Variants in GNAS observed in about 807,000 individuals in gnomAD.
GNAS encodes the protein protein ALEX.
A neutral mutation model predicts 54.5 loss-of-function variants in GNAS; 8 were observed. The observed-to-expected ratio is 0.15, with a 90% CI of 0.09 to 0.26. The LOEUF (loss-of-function observed/expected upper bound fraction) is 0.26. GNAS is among the 10% of genes least tolerant of loss of function. The pLI, the probability that GNAS is intolerant of heterozygous loss-of-function variation, is 1.00. For missense variants in GNAS, 170 were observed against 529.8 expected (o/e 0.32, Z 6.67); for synonymous variants, 204 against 191.4 (o/e 1.07, Z -0.54).
In GNAS at chr20:58,910,642, G is replaced by A; in HGVS notation, c.1039-41G>A. 1 of 1,612,924 alleles carries A rather than the reference G, an allele frequency of 6.2e-7. No homozygotes were observed. The highest frequency in any genetic ancestry group is 8.5e-7 in the Non-Finnish European group (1 of 1,179,082). On this transcript the variant is annotated intron_variant, in intron 12 of 12. Transcript: ENST00000371085. This position sits in a 1 kb window ranked among gnomAD's most constrained non-coding sequence, Gnocchi z 5.8. ...CCCATCAGGGATAGGGTGGTTCCTG[G>A]CGAGGGTGTCACTGACAAGTCCCCT...
rs1421900999 is a variant in GNAS at position 58,863,857 on chromosome 20, C to G, written c.43+22971C>G. On this transcript the variant is annotated intron_variant, in intron 1 of 12. Transcript: ENST00000306090. This position sits in a 1 kb window ranked among gnomAD's most constrained non-coding sequence, Gnocchi z 4.1. ...ACATGATGGTATTTTTACAGGGAAC[C>G]TGCATTCAGGTAAGTTTGAAGCTGT... is the stretch of plus-strand genomic sequence containing the variant. 2 of 152,618 alleles carry G rather than the reference C, an allele frequency of 1.3e-5. No homozygotes were observed. The highest frequency in any genetic ancestry group is 4.8e-5 in the African/African-American group (2 of 41,432). 9.5% of individuals were successfully genotyped at this position (152,618 alleles called of 1,614,324 possible).
At chr20:58,892,129 C>T (rs1020364263) in intron 1 of GNAS, 33 of 965,538 alleles carry the variant, frequency 3.4e-5, no homozygotes, top group Non-Finnish European at 4.1e-5. Flanking sequence ...CAGTGTCTCT[C>T]TCTTGCTCTC....
At chr20:58,896,839 G>C (rs1378246520) in intron 2 of GNAS, among the ~76,000 whole-genome samples, 1 of 152,108 alleles carries the variant, frequency 6.6e-6, no homozygotes, top group Admixed American at 6.5e-5. Flanking sequence ...CAAAAGGGGA[G>C]TTGGAGTCAA....
At chr20:58,888,631 C>A (rs551355690), upstream of GNAS, 203 of 152,404 alleles carry the variant, frequency 1.3e-3, no homozygotes, top group African/African-American at 4.4e-3. Flanking sequence ...CCACGGCCAC[C>A]GCTCCTCGGC....
chr20:58,869,747 C>T (rs2087311318), intron 1 of GNAS, among the ~76,000 whole-genome samples: 1 of 152,184 alleles, frequency 6.6e-6, no homozygotes, highest in Non-Finnish European at 1.5e-5. Context: ...CTCCTCAACC[C>T]CTCTCCACTT....
chr20:58,896,097 CA>C (rs2090025144), intron 2 of GNAS, among the ~76,000 whole-genome samples: 1 of 152,206 alleles, frequency 6.6e-6, no homozygotes, highest in African/African-American at 2.4e-5. Context: ...AAATTCACCC[CA>C]CCCCACCTCA....
At chr20:58,840,145 T>C, upstream of GNAS, 1 of 1,611,442 alleles carries the variant, frequency 6.2e-7, no homozygotes, top group South Asian at 1.1e-5. This position sits in a 1 kb window ranked among gnomAD's most constrained non-coding sequence, Gnocchi z 6.0. Flanking sequence ...GGCGCCGAGC[T>C]CGCCATAATT....
At chr20:58,903,264 A>G (rs1479062668) in intron 3 of GNAS, 1 of 564,174 alleles carries the variant, frequency 1.8e-6, no homozygotes, top group East Asian at 3.1e-5. Context: ...GAAAGATTAA[A>G]TGAGCTGCAT....
At chr20:58,842,933 G>A (rs558231338) in intron 1 of GNAS, among the ~76,000 whole-genome samples, 1 of 152,300 alleles carries the variant, frequency 6.6e-6, no homozygotes, top group African/African-American at 2.4e-5. Flanking sequence ...GTTGCAGGAT[G>A]AATAAACAAG....
chr20:58,845,040 G>A (rs2085894772), intron 1 of GNAS, among the ~76,000 whole-genome samples: 1 of 151,870 alleles, frequency 6.6e-6, no homozygotes, highest in African/African-American at 2.4e-5. Flanking sequence ...TTTTACGTGT[G>A]TGTGTGTGTT....
intron 1 of GNAS, among the ~76,000 whole-genome samples, chr20:58,843,763 G>T (rs555763097): frequency 3.3e-5 from 5 of 152,180 alleles, no homozygotes; most frequent in South Asian, 2.1e-4. Flanking sequence ...TTGCTTTTGT[G>T]GGGGAGGGGA....
At chr20:58,897,809 C>T (rs2090207070) in intron 2 of GNAS, 3 of 152,190 alleles carry the variant, frequency 2.0e-5, no homozygotes, top group African/African-American at 4.8e-5. Flanking sequence ...CATCCAACTG[C>T]CTCCTTTTTT....
intron 1 of GNAS, among the ~76,000 whole-genome samples, chr20:58,874,295 G>C (rs900696914): frequency 6.6e-6 from 1 of 152,224 alleles, no homozygotes; most frequent in African/African-American, 2.4e-5. Context: ...GTGGTGCTGA[G>C]AACTGCCTTT....
chr20:58,861,799 G>A (rs1010743999), intron 1 of GNAS, among the ~76,000 whole-genome samples: 16 of 152,208 alleles, frequency 1.1e-4, no homozygotes, highest in Admixed American at 2.0e-4. Context: ...TCCGCCTCCC[G>A]GGTTCAAGCG....
intron 6 of GNAS, among the ~76,000 whole-genome samples, chr20:58,906,550 G>C (rs1273149556): frequency 6.6e-6 from 1 of 152,052 alleles, no homozygotes; most frequent in Non-Finnish European, 1.5e-5. Context: ...TTATTTTTTT[G>C]AAACGGAGTC....
chr20:58,903,802 C>A lies in GNAS; in HGVS notation c.432+11C>A, dbSNP rs570759065. ...TTTGACTTCCCTCCCGTAAGCTACA[C>A]CCCGACTTGTGTGGCCTTAGCCCCG... is the stretch of plus-strand genomic sequence containing the variant. On this transcript the variant is annotated intron_variant, in intron 5 of 12. Transcript: ENST00000371085. The A allele has an allele frequency of 3.9e-5, 63 of 1,613,966 alleles. No homozygotes were observed. In the South Asian group the frequency reaches 6.9e-4, roughly 18 times the overall value.
At chr20:58,858,378 G>A (rs896805532) in intron 1 of GNAS, among the ~76,000 whole-genome samples, 1 of 152,166 alleles carries the variant, frequency 6.6e-6, no homozygotes, top group Non-Finnish European at 1.5e-5. Flanking sequence ...CAAAGAGAGA[G>A]AGAGAGAGAG....
chr20:58,894,282 C>T (rs1015590454), intron 1 of GNAS, among the ~76,000 whole-genome samples: 8 of 152,154 alleles, frequency 5.3e-5, no homozygotes. Flanking sequence ...TATTAGAGAT[C>T]CTGCTAAATA....
chr20:58,891,712 G>T lies in GNAS; in HGVS notation c.-15G>T. ...CGCCGCAGCCCGGCCGCGCCCCGCC[G>T]CCGCCGCCGCCGCCATGGGCTGCCT... On this transcript the variant is annotated 5_prime_UTR_variant, in exon 1 of 13. Transcript: ENST00000371085. 1 of 1,080,474 alleles carries T rather than the reference G, an allele frequency of 9.3e-7. No individual in the cohort carries two copies. The highest frequency in any genetic ancestry group is 1.2e-6 in the Non-Finnish European group (1 of 868,300). The allele number at this position is 1,080,474 out of a possible 1,614,324, so 66.9% of individuals were successfully genotyped here. A position where few individuals can be genotyped will look rare whatever the true frequency, so the allele number is the denominator to read the frequency against.
Sources: gnomAD v4.1 joint callset for allele counts (sites outside exome capture counted in the v4.1 genomes callset) on GRCh38, gnomAD v4.1.1 for gene constraint, Gnocchi (gnomAD v3.1) non-coding constraint, MANE v1.5 for transcripts, NCBI Gene and HGNC (gene_info 2026-07-23, HGNC 2026-07-21) for gene names.